Variants in BEGAIN observed in about 807,000 individuals in gnomAD.
The protein encoded by BEGAIN is brain-enriched guanylate kinase-associated protein.
In BEGAIN, 19 loss-of-function variants were observed where a neutral mutation model predicts 35.8. That is an observed-to-expected ratio of 0.53 (90% confidence interval 0.37 to 0.78). The LOEUF (loss-of-function observed/expected upper bound fraction) is 0.78. Among genes scored for constraint, BEGAIN ranks in the 30% least tolerant of loss-of-function variants. The pLI, the probability that BEGAIN is intolerant of heterozygous loss-of-function variation, is 0.00. For missense variants in BEGAIN, 795 were observed against 853.6 expected, an observed-to-expected ratio of 0.93 and a Z score of 0.85; for synonymous variants, 462 against 388.6, an observed-to-expected ratio of 1.19 and a Z score of -2.22.
chr14:100,580,329 A>G (rs965545866), intron 1 of BEGAIN, among the ~76,000 whole-genome samples: 15 of 152,026 alleles, frequency 9.9e-5, no homozygotes, highest in African/African-American at 3.6e-4. Context: ...ATAAAGAAAA[A>G]ATAAATAAAA....
rs539495548 is a variant in BEGAIN, at chr14:100,558,625, G to A, written c.71+9286C>T. ...TGCTGGGCGCAGCTGAGCTCCCATC[G>A]CCCCTACAAATCCACAGCCTACCCC... On this transcript the variant is annotated intron_variant, in intron 2 of 6. Transcript: ENST00000554140. This position sits in a 1 kb window ranked among gnomAD's most constrained non-coding sequence, Gnocchi z 4.6. 6.6e-6 allele frequency among the ~76,000 whole-genome samples: 1 copy of A among 152,218 alleles called. No individual in the cohort carries two copies. Among genetic ancestry groups the A allele is most frequent in the East Asian group, 1.9e-4 (1 of 5,182 alleles).
At chr14:100,577,634 T>C in intron 1 of BEGAIN, 2 of 399,084 alleles carry the variant, frequency 5.0e-6, no homozygotes, top group Non-Finnish European at 8.8e-6. Flanking sequence ...AAGGGCAGTC[T>C]GGCCTCCCGC....
chr14:100,555,583 C>T (rs1054256802), intron 2 of BEGAIN, among the ~76,000 whole-genome samples: 4 of 152,228 alleles, frequency 2.6e-5, no homozygotes, highest in African/African-American at 7.2e-5. Context: ...AGGTTCACAG[C>T]GCTCAAGGAA....
Position 100,575,243 on chromosome 14 carries a change from C to T in BEGAIN, c.43-7304G>A, listed in dbSNP as rs112280315. Reference sequence around the variant, plus strand: ...GATCTGCCTTGCTTCCCCAGAGCCACCCCCTCCAGAAAGCATTCTGGGGAC... The same window carrying T: ...GATCTGCCTTGCTTCCCCAGAGCCATCCCCTCCAGAAAGCATTCTGGGGAC... On this transcript the variant is annotated intron_variant, in intron 1 of 6. Transcript: ENST00000554140. Among the ~76,000 whole-genome samples the T allele has an allele frequency of 2.1e-4, 32 of 152,314 alleles. 1 individual carries two copies. Among genetic ancestry groups the T allele is most frequent in the Admixed American group, 1.1e-3 (17 of 15,306 alleles).
At chr14:100,550,827 C>A (rs970933652) in intron 2 of BEGAIN, among the ~76,000 whole-genome samples, 12 of 152,216 alleles carry the variant, frequency 7.9e-5, no homozygotes, top group African/African-American at 2.9e-4. Context: ...CTCTTTTGAG[C>A]ATCCTGTCCC....
chr14:100,568,931 C>T lies in BEGAIN; in HGVS notation c.43-992G>A. ...GACTGATGACTGCCCATCCCGGCCC[C>T]TCGCGCCGGGCGCCGCCGCCGCGTC... is the stretch of plus-strand genomic sequence containing the variant. On this transcript the variant is annotated intron_variant, in intron 1 of 6. Transcript: ENST00000554140. This position sits in a 1 kb window ranked among gnomAD's most constrained non-coding sequence, Gnocchi z 7.5. 5 of 983,914 alleles carry T rather than the reference C, an allele frequency of 5.1e-6. No homozygotes were observed. The highest frequency in any genetic ancestry group is 4.8e-6 in the Non-Finnish European group (4 of 829,506). 60.9% of individuals were successfully genotyped at this position (983,914 alleles called of 1,614,324 possible).
At chr14:100,570,450 C>T (rs917450804) in intron 1 of BEGAIN, among the ~76,000 whole-genome samples, 1 of 152,210 alleles carries the variant, frequency 6.6e-6, no homozygotes, top group Non-Finnish European at 1.5e-5. Context: ...GACCCATTGC[C>T]TTCGGGGCAA....
chr14:100,554,984 A>AG (rs1353687737), intron 2 of BEGAIN, among the ~76,000 whole-genome samples: 3 of 152,206 alleles, frequency 2.0e-5, no homozygotes. Context: ...CAGGCTGAGC[A>AG]GGGGGGTCAC....
rs2035455052 is a variant in BEGAIN at position 100,586,842 on chromosome 14, C to T, written c.42+407G>A. ...CCCAAGCAGGGGCTGGCCCTGCCCC[C>T]AGACGCAGGCGGGTCCAGGCCTGCC... On this transcript the variant is annotated intron_variant, in intron 1 of 6. Coordinates refer to ENST00000554140, the MANE Select transcript of BEGAIN (RefSeq NM_001385089.1). This position sits in a 1 kb window ranked among gnomAD's most constrained non-coding sequence, Gnocchi z 4.9. 6.6e-6 allele frequency among the ~76,000 whole-genome samples: 1 copy of T among 152,164 alleles called. No homozygotes were observed. Among genetic ancestry groups the T allele is most frequent in the Admixed American group, 6.5e-5 (1 of 15,280 alleles).
chr14:100,545,067 C>G lies in BEGAIN; in HGVS notation c.234-1G>C. 6.2e-7 allele frequency: 1 copy of G among 1,613,390 alleles called. No homozygotes were observed. The highest frequency in any genetic ancestry group is 8.5e-7 in the Non-Finnish European group (1 of 1,179,978). ...CAGTGCCATGTAGTTGCTCTGAATC[C>G]TGGTGCAGGAGGCAAGGGGGTCACT... On this transcript the variant is annotated splice_acceptor_variant, in intron 3 of 6. Coordinates refer to ENST00000554140, the MANE Select transcript of BEGAIN (RefSeq NM_001385089.1). LOFTEE classifies it high-confidence loss of function.
chr14:100,571,991 GCGGT>G (rs2035093686), intron 1 of BEGAIN, among the ~76,000 whole-genome samples: 1 of 152,342 alleles, frequency 6.6e-6, no homozygotes, highest in African/African-American at 2.4e-5. Context: ...TGGAAGCCCT[GCGGT>G]GAGCAGGTGG....
intron 1 of BEGAIN, among the ~76,000 whole-genome samples, chr14:100,571,368 C>T (rs997697083): frequency 5.3e-5 from 8 of 152,124 alleles, no homozygotes; most frequent in Non-Finnish European, 1.2e-4. Context: ...CTCCCTCCCA[C>T]CTACTACTTC....
chr14:100,562,189 T>A (rs2034317361), intron 2 of BEGAIN, among the ~76,000 whole-genome samples: 1 of 151,906 alleles, frequency 6.6e-6, no homozygotes, highest in African/African-American at 2.4e-5. Context: ...GCAGGGGGCC[T>A]GGGGGAAAGG....
At chr14:100,546,434 T>C (rs1268858847) in intron 3 of BEGAIN, 67 bp downstream of exon 3, 1 of 57,720 alleles carries the variant, frequency 1.7e-5, no homozygotes, top group South Asian at 5.3e-4. Context: ...GCCCCGGCCC[T>C]CGCCCCGCCC....
chr14:100,570,370 C>T (rs1390750107), intron 1 of BEGAIN, among the ~76,000 whole-genome samples: 1 of 152,188 alleles, frequency 6.6e-6, no homozygotes, highest in Non-Finnish European at 1.5e-5. Context: ...AACAGGCAGC[C>T]CCTGCCCTTC....
chr14:100,560,187 G>T (rs1249468061), intron 2 of BEGAIN, among the ~76,000 whole-genome samples: 1 of 152,222 alleles, frequency 6.6e-6, no homozygotes, highest in Non-Finnish European at 1.5e-5. Context: ...CAGAGCCTCA[G>T]TTTCCTCAAG....
chr14:100,562,638 T>C (rs1439610268), intron 2 of BEGAIN, among the ~76,000 whole-genome samples: 2 of 145,072 alleles, frequency 1.4e-5, no homozygotes, highest in Admixed American at 6.9e-5. Flanking sequence ...CCCTCCTCCA[T>C]GGCCACCAGC....
intron 5 of BEGAIN, among the ~76,000 whole-genome samples, chr14:100,540,887 C>A (rs1301513580): frequency 6.6e-6 from 1 of 152,216 alleles, no homozygotes; most frequent in South Asian, 2.1e-4. Context: ...AGAAGGAGCC[C>A]CAATGGCCCT....
intron 2 of BEGAIN, 140 bp from the exon 3 acceptor site, chr14:100,546,802 A>G (rs1445943883): frequency 7.9e-6 from 5 of 634,620 alleles, no homozygotes; most frequent in African/African-American, 2.0e-5. Context: ...ACACACACAC[A>G]CACACACACA....
Sources: allele counts gnomAD v4.1 joint callset (sites outside exome capture counted in the v4.1 genomes callset), GRCh38; gene constraint gnomAD v4.1.1; non-coding constraint Gnocchi (gnomAD v3.1); transcripts MANE v1.5; gene names NCBI Gene and HGNC (gene_info 2026-07-23, HGNC 2026-07-21).